Variants in WDR59 observed in about 807,000 individuals in gnomAD.
WDR59 encodes the protein WD repeat domain 59, also known as GATOR2 complex protein WDR59.
A neutral mutation model predicts 131.2 loss-of-function variants in WDR59; 100 were observed. That is an observed-to-expected ratio of 0.76 (90% CI 0.65 to 0.90). The LOEUF (loss-of-function observed/expected upper bound fraction) is 0.90, where lower values mean the gene tolerates loss of function less well. WDR59 is among the 40% of genes least tolerant of loss of function. The pLI is 0.00. For missense variants in WDR59, 1,203 were observed against 1,262.2 expected (o/e 0.95, Z 0.71); for synonymous variants, 601 against 466.2 (o/e 1.29, Z -3.72).
At chr16:74,955,175 T>C (rs965647727) in intron 3 of WDR59, among the ~76,000 whole-genome samples, 1 of 152,246 alleles carries the variant, frequency 6.6e-6, no homozygotes, top group Non-Finnish European at 1.5e-5. Flanking sequence ...GTTAATCCAC[T>C]GAGTACAACA....
At chr16:74,973,109 C>T (rs1472278546) in intron 1 of WDR59, among the ~76,000 whole-genome samples, 1 of 151,930 alleles carries the variant, frequency 6.6e-6, no homozygotes, top group South Asian at 2.1e-4. Flanking sequence ...GGTGTTGTGG[C>T]GCATGCTTGT....
chr16:74,981,000 G>A (rs1280278852), intron 1 of WDR59, among the ~76,000 whole-genome samples: 1 of 150,888 alleles, frequency 6.6e-6, no homozygotes, highest in African/African-American at 2.4e-5. Context: ...GGCCAAGGTG[G>A]GAGGATCACT....
chr16:74,907,862 G>T (rs879544207), intron 17 of WDR59, among the ~76,000 whole-genome samples: 1 of 152,192 alleles, frequency 6.6e-6, no homozygotes, highest in Non-Finnish European at 1.5e-5. Flanking sequence ...TAAGTGCTAT[G>T]ATGATCCCCA....
intron 3 of WDR59, among the ~76,000 whole-genome samples, chr16:74,953,260 T>C (rs1481247163): frequency 1.3e-5 from 2 of 151,440 alleles, no homozygotes; most frequent in East Asian, 3.9e-4. Context: ...TCGCTTGAGG[T>C]GAGGAGTTAG....
chr16:74,968,051 G>A (rs564701996), intron 1 of WDR59, among the ~76,000 whole-genome samples: 1 of 152,228 alleles, frequency 6.6e-6, no homozygotes, highest in Admixed American at 6.6e-5. Flanking sequence ...GATGCAAAAG[G>A]ACAAACATTA....
intron 25 of WDR59, among the ~76,000 whole-genome samples, chr16:74,877,303 A>C (rs916046159): frequency 5.9e-5 from 9 of 152,318 alleles, no homozygotes; most frequent in Middle Eastern, 3.4e-3. Flanking sequence ...AACGATATAC[A>C]CTTTAAGAGG....
At chr16:74,894,600 A>G (rs941773069) in intron 18 of WDR59, among the ~76,000 whole-genome samples, 1 of 152,148 alleles carries the variant, frequency 6.6e-6, no homozygotes, top group African/African-American at 2.4e-5. Flanking sequence ...CCAGAAGTTA[A>G]AAAGGGGGTC....
At chr16:74,877,646 G>A (rs1351026042) in intron 25 of WDR59, among the ~76,000 whole-genome samples, 2 of 152,144 alleles carry the variant, frequency 1.3e-5, no homozygotes, top group Admixed American at 6.6e-5. Flanking sequence ...CCTGATTCAA[G>A]CGATTCTTCT....
At chr16:74,945,816 T>A (rs1454016030) in intron 6 of WDR59, among the ~76,000 whole-genome samples, 3 of 113,608 alleles carry the variant, frequency 2.6e-5, no homozygotes, top group African/African-American at 1.4e-4. Flanking sequence ...TTCACATAAC[T>A]TTTTTTTTTT....
At chr16:74,924,227 C>T (rs1475089495) in intron 8 of WDR59, among the ~76,000 whole-genome samples, 1 of 152,100 alleles carries the variant, frequency 6.6e-6, no homozygotes, top group Non-Finnish European at 1.5e-5. Flanking sequence ...TTATGAGGAC[C>T]ACTAAACGCG....
rs774386169 is a variant in WDR59 at position 74,904,079 on chromosome 16, A to G, written c.1734T>C (p.Ala578=). ...PTPRSLSALS[A]YHTGLIAPMK... ...TGGGCGCGATCAAGCCAGTGTGATA[A>G]GCAGACAAGGCTGAGAGAGATCTGT... The change falls in exon 18 of 26, where the codon GCT becomes GCC. Residue 578 remains alanine (A), a synonymous_variant. Transcript: ENST00000262144. 36 of 1,613,402 alleles carry G rather than the reference A, an allele frequency of 2.2e-5. No homozygotes were observed. Among genetic ancestry groups the G allele is most frequent in the Non-Finnish European group, 3.0e-5 (35 of 1,179,860 alleles).
At chr16:74,923,706 C>G (rs984107440) in intron 9 of WDR59, among the ~76,000 whole-genome samples, 1 of 152,074 alleles carries the variant, frequency 6.6e-6, no homozygotes, top group Admixed American at 6.6e-5. Context: ...AACTCCTGAC[C>G]TCAGGGGATC....
At chr16:74,973,610 G>C (rs2034073392) in intron 1 of WDR59, among the ~76,000 whole-genome samples, 1 of 152,150 alleles carries the variant, frequency 6.6e-6, no homozygotes, top group Non-Finnish European at 1.5e-5. Flanking sequence ...AGCCATCCTT[G>C]TCTAATACTC....
intron 2 of WDR59, among the ~76,000 whole-genome samples, chr16:74,965,033 C>T (rs550564667): frequency 3.1e-4 from 47 of 151,548 alleles, no homozygotes; most frequent in African/African-American, 1.1e-3. Flanking sequence ...CACTGCACTC[C>T]AGCCTGGGCG....
chr16:74,934,932 G>T (rs1179853810), intron 8 of WDR59, among the ~76,000 whole-genome samples: 2 of 151,954 alleles, frequency 1.3e-5, no homozygotes, highest in Admixed American at 6.6e-5. Context: ...TTTCTCACCA[G>T]AATGTAGCAA....
rs140586202 is a variant in WDR59, at chr16:74,951,383, C to A, written c.326+75G>T. ...AGACAGTCAAGCCATGCAAGGAGGA[C>A]GGCATCATCATTTCGTTCCCAGGGG... On this transcript the variant is annotated intron_variant, in intron 4 of 25. Transcript: ENST00000262144. 1,797 of 1,390,286 alleles carry A rather than the reference C, an allele frequency of 1.3e-3. 1 individual carries two copies. The highest frequency in any genetic ancestry group is 1.8e-3 in the Middle Eastern group (8 of 4,440). The allele number at this position is 1,390,286 out of a possible 1,614,324, so 86.1% of individuals were successfully genotyped here.
At chr16:74,969,610 C>A (rs192101989) in intron 1 of WDR59, among the ~76,000 whole-genome samples, 2 of 148,826 alleles carry the variant, frequency 1.3e-5, no homozygotes, top group African/African-American at 2.5e-5. Flanking sequence ...GTTTCACTCT[C>A]GTTGCCCAGG....
At chr16:74,966,582 CT>C (rs1203693599) in intron 1 of WDR59, among the ~76,000 whole-genome samples, 1 of 152,096 alleles carries the variant, frequency 6.6e-6, no homozygotes, top group African/African-American at 2.4e-5. Flanking sequence ...AACAAAGAGC[CT>C]TCTTGCAAGT....
chr16:74,896,452 TG>T (rs1209236342), intron 18 of WDR59, among the ~76,000 whole-genome samples: 1 of 152,138 alleles, frequency 6.6e-6, no homozygotes, highest in African/African-American at 2.4e-5. Context: ...CTGGCCCACA[TG>T]GTGAAACCCT....
Sources: gnomAD v4.1 joint callset for allele counts (sites outside exome capture counted in the v4.1 genomes callset) on GRCh38, gnomAD v4.1.1 for gene constraint, MANE v1.5 for transcripts, NCBI Gene and HGNC (gene_info 2026-07-23, HGNC 2026-07-21) for gene names.